Variants in LHFPL3 observed in about 807,000 individuals in gnomAD.
LHFPL3 encodes LHFPL tetraspan subfamily member 3, also known as LHFPL tetraspan subfamily member 3 protein.
LHFPL3 carries 5 observed loss-of-function variants against 19.3 expected under a neutral mutation model. That is an observed-to-expected ratio of 0.26 (90% CI 0.14 to 0.54). The LOEUF is 0.54. LHFPL3 is among the 20% of genes least tolerant of loss of function. The probability of loss-of-function intolerance (pLI) is 0.94; values close to 1 mark genes in which losing one functional copy is unlikely to be tolerated. For synonymous variants in LHFPL3, 133 were observed against 126.2 expected, an observed-to-expected ratio of 1.05 and a Z score of -0.36; for missense variants, 249 against 307.4, an observed-to-expected ratio of 0.81 and a Z score of 1.42.
At chr7:104,620,809 T>C (rs1459083131) in intron 1 of LHFPL3, among the ~76,000 whole-genome samples, 1 of 152,210 alleles carries the variant, frequency 6.6e-6, no homozygotes, top group African/African-American at 2.4e-5. Context: ...TGATGTACCC[T>C]GATACCTTTC....
intron 1 of LHFPL3, among the ~76,000 whole-genome samples, chr7:104,569,851 C>G (rs1790195113): frequency 6.6e-6 from 1 of 152,142 alleles, no homozygotes; most frequent in African/African-American, 2.4e-5. Flanking sequence ...AGATTCAAAC[C>G]CAACTCTGTT....
At chr7:104,802,514 A>AAAT (rs1790273042) in intron 2 of LHFPL3, among the ~76,000 whole-genome samples, 1 of 141,646 alleles carries the variant, frequency 7.1e-6, no homozygotes, top group African/African-American at 2.6e-5. Flanking sequence ...AAAAAAAAAA[A>AAAT]AGAGAGAGAG....
chr7:104,605,834 TC>T, intron 1 of LHFPL3, among the ~76,000 whole-genome samples: 1 of 150,350 alleles, frequency 6.7e-6, no homozygotes, highest in African/African-American at 2.4e-5. Context: ...AAAATTCAAG[TC>T]CTTTTTGAAT....
chr7:104,708,723 G>C (rs1793236516), intron 1 of LHFPL3, among the ~76,000 whole-genome samples: 1 of 152,068 alleles, frequency 6.6e-6, no homozygotes, highest in South Asian at 2.1e-4. Flanking sequence ...GTCCCCTTCT[G>C]ACTCTTAGAT....
chr7:104,556,455 G>A (rs566713813), intron 1 of LHFPL3, among the ~76,000 whole-genome samples: 1 of 152,318 alleles, frequency 6.6e-6, no homozygotes, highest in Admixed American at 6.5e-5. Flanking sequence ...ACCCTTTGAA[G>A]CAACAGCCTA....
chr7:104,491,157 T>A (rs1793340132), intron 1 of LHFPL3, among the ~76,000 whole-genome samples: 1 of 146,100 alleles, frequency 6.8e-6, no homozygotes, highest in African/African-American at 2.5e-5. Flanking sequence ...GACCAGAGGC[T>A]GTAACACTGT....
intron 1 of LHFPL3, among the ~76,000 whole-genome samples, chr7:104,355,994 C>G (rs1790265986): frequency 1.3e-5 from 2 of 151,994 alleles, no homozygotes; most frequent in South Asian, 4.2e-4. Context: ...ACAGATGTAC[C>G]TAATTAAGAG....
chr7:104,409,097 C>T (rs1408379333), intron 1 of LHFPL3, among the ~76,000 whole-genome samples: 1 of 149,034 alleles, frequency 6.7e-6, no homozygotes, highest in Non-Finnish European at 1.5e-5. Flanking sequence ...AAGATGGTCT[C>T]GGTCTCCTGG....
At chr7:104,382,742 A>G (rs1468143) in intron 1 of LHFPL3, among the ~76,000 whole-genome samples, 53,632 of 152,062 alleles carry the variant, frequency 0.35, 9,820 homozygotes, top group Admixed American at 0.49. Flanking sequence ...AGTCAGCTCT[A>G]TTAATGATCT....
chr7:104,410,470 C>T, intron 1 of LHFPL3, among the ~76,000 whole-genome samples: 1 of 152,206 alleles, frequency 6.6e-6, no homozygotes, highest in East Asian at 1.9e-4. Flanking sequence ...TCTATCCTAC[C>T]TATTCCACAG....
At chr7:104,711,467 A>G (rs1793298968) in intron 1 of LHFPL3, among the ~76,000 whole-genome samples, 1 of 152,232 alleles carries the variant, frequency 6.6e-6, no homozygotes, top group Non-Finnish European at 1.5e-5. Context: ...GCTTGATTCA[A>G]GATGGAGATG....
At chr7:104,443,934 C>T (rs1166677429) in intron 1 of LHFPL3, among the ~76,000 whole-genome samples, 1 of 152,242 alleles carries the variant, frequency 6.6e-6, no homozygotes, top group African/African-American at 2.4e-5. Flanking sequence ...TAGCACCTTA[C>T]TGGACTTATT....
At chr7:104,861,828 G>A (rs1791624320) in intron 2 of LHFPL3, among the ~76,000 whole-genome samples, 1 of 152,112 alleles carries the variant, frequency 6.6e-6, no homozygotes, top group Non-Finnish European at 1.5e-5. Context: ...AAGCATTTCT[G>A]TCAGGCAAGC....
intron 1 of LHFPL3, among the ~76,000 whole-genome samples, chr7:104,717,112 T>C (rs910086738): frequency 6.6e-6 from 1 of 151,888 alleles, no homozygotes; most frequent in Non-Finnish European, 1.5e-5. Flanking sequence ...CCTGCAGAAG[T>C]AGGAAATTGG....
intron 1 of LHFPL3, among the ~76,000 whole-genome samples, chr7:104,397,710 A>G (rs73403846): frequency 0.011 from 1,682 of 152,314 alleles, 38 homozygotes; most frequent in African/African-American, 0.039. Context: ...TTTATTTACT[A>G]CATGAAAGGC....
In LHFPL3 at chr7:104,329,172, C is replaced by G. The variant is rs750587802; in HGVS notation, c.393C>G (p.Phe131Leu). 16 of 1,613,916 alleles carry G rather than the reference C, an allele frequency of 9.9e-6. No individual in the cohort carries two copies. Among genetic ancestry groups the G allele is most frequent in the Non-Finnish European group, 1.4e-5 (16 of 1,179,892 alleles). Residue 131 changes from phenylalanine (F) to leucine (L), a missense_variant, in exon 1 of 3, where the codon TTC becomes TTG. Transcript: ENST00000424859. ...TCATTTGCTTTACCCTCTTCTTCTTCTGCAACACGGCCACTGTGTACAAGA... is the reference window on the plus strand; with the variant it reads ...TCATTTGCTTTACCCTCTTCTTCTTGTGCAACACGGCCACTGTGTACAAGA... ...ACIICFTLFF[F>L]CNTATVYKIC...
At position 104,698,666 on chromosome 7, in the gene LHFPL3, G is replaced by C. The variant is rs565869455; in HGVS notation, c.446-38009G>C. Among the ~76,000 whole-genome samples the C allele has an allele frequency of 1.9e-4, 29 of 152,250 alleles. No individual in the cohort carries two copies. In the South Asian group the frequency reaches 5.2e-3, roughly 27 times the overall value. ...TTGGCAAAACTTGGAAGAAACCAAG[G>C]TATCTTTTAATAGGTGAATGGGTAA... On this transcript the variant is annotated intron_variant, in intron 1 of 2. Coordinates refer to ENST00000424859, the MANE Select transcript of LHFPL3 (RefSeq NM_199000.3).
chr7:104,736,823 G>A lies in LHFPL3; in HGVS notation c.594G>A (p.Leu198=), dbSNP rs754458179. The change falls in exon 2 of 3, where the codon TTG becomes TTA. Residue 198 remains leucine, a synonymous_variant. Transcript: ENST00000424859. ...WAYILAIIGI[L]DALILSFLAF... ...ACATCCTGGCTATTATTGGAATTTT[G>A]GATGCCCTGATCCTCTCATTTCTAG... 6.2e-7 allele frequency: 1 copy of A among 1,613,064 alleles called. No individual in the cohort carries two copies. Among genetic ancestry groups the A allele is most frequent in the African/African-American group, 1.3e-5 (1 of 74,984 alleles).
intron 2 of LHFPL3, among the ~76,000 whole-genome samples, chr7:104,746,147 C>G (rs1394679349): frequency 6.6e-6 from 1 of 152,142 alleles, no homozygotes; most frequent in Non-Finnish European, 1.5e-5. Flanking sequence ...CCCATCTCTA[C>G]TAAAAATACA....
Sources: gnomAD v4.1 joint callset for allele counts (sites outside exome capture counted in the v4.1 genomes callset) on GRCh38, gnomAD v4.1.1 for gene constraint, MANE v1.5 for transcripts, NCBI Gene and HGNC (gene_info 2026-07-23, HGNC 2026-07-21) for gene names.